The following IFT81 variants were observed in gnomAD, a reference collection of about 807,000 sequenced individuals.
IFT81 encodes the protein intraflagellar transport 81, also known as intraflagellar transport protein 81 homolog.
In IFT81, 72 loss-of-function variants were observed where a neutral mutation model predicts 102.6. The observed-to-expected ratio is 0.70, with a 90% CI of 0.58 to 0.85. The LOEUF (loss-of-function observed/expected upper bound fraction) is 0.85, where lower values mean the gene tolerates loss of function less well. IFT81 is among the 40% of genes least tolerant of loss of function. The pLI is 0.00. For missense variants in IFT81, 723 were observed against 787.3 expected (o/e 0.92, Z 0.98); for synonymous variants, 237 against 242.7 (o/e 0.98, Z 0.22).
chr12:110,143,683 G>T, intron 9 of IFT81, 138 bp downstream of exon 9: 1 of 596,856 alleles, frequency 1.7e-6, no homozygotes, highest in Non-Finnish European at 2.8e-6. Context: ...CTCTTATGAG[G>T]AATTGTCCTT....
chr12:110,140,755 C>T (rs1034946687), intron 8 of IFT81, among the ~76,000 whole-genome samples: 13 of 152,328 alleles, frequency 8.5e-5, no homozygotes, highest in Admixed American at 3.9e-4. Flanking sequence ...TGGAGTTTCA[C>T]TCCTGTTGCC....
At chr12:110,131,681 G>A (rs533643730) in intron 4 of IFT81, among the ~76,000 whole-genome samples, 1 of 152,152 alleles carries the variant, frequency 6.6e-6, no homozygotes, top group Non-Finnish European at 1.5e-5. Flanking sequence ...ACCTCCATGG[G>A]TTATGCACTG....
chr12:110,203,909 T>C lies in IFT81; in HGVS notation c.1603T>C (p.Cys535Arg). The C allele has an allele frequency of 6.2e-7, 1 of 1,613,866 alleles. No homozygotes were observed. Among genetic ancestry groups the C allele is most frequent in the Non-Finnish European group, 8.5e-7 (1 of 1,179,756 alleles). The change falls in exon 15 of 19, where the codon TGT (cysteine) becomes CGT (arginine). Residue 535 changes from cysteine to arginine, a missense_variant. Coordinates refer to ENST00000242591, the MANE Select transcript of IFT81 (RefSeq NM_014055.4). ...TGAAAAGAAATCCCAGTATGATAGC[T>C]GTGCAGCAGGCCTCGAAAGCAATCG... ...CDEKKSQYDS[C>R]AAGLESNRSK...
chr12:110,207,684 T>C (rs1868837246), intron 17 of IFT81, among the ~76,000 whole-genome samples: 1 of 147,966 alleles, frequency 6.8e-6, no homozygotes, highest in Non-Finnish European at 1.5e-5. Context: ...TGCCTCAGCC[T>C]CCTGAGTAGC....
chr12:110,154,456 C>T (rs1895725243), intron 10 of IFT81, among the ~76,000 whole-genome samples: 1 of 151,300 alleles, frequency 6.6e-6, no homozygotes, highest in African/African-American at 2.4e-5. Context: ...CATGGTGAAA[C>T]CCTGTCTCTG....
intron 10 of IFT81, among the ~76,000 whole-genome samples, chr12:110,159,167 T>TA (rs1896007806): frequency 2.0e-5 from 3 of 152,196 alleles, no homozygotes; most frequent in African/African-American, 7.2e-5. Context: ...AAGGATAGGC[T>TA]AAAGTGTAAA....
intron 5 of IFT81, among the ~76,000 whole-genome samples, chr12:110,133,830 T>C (rs558774899): frequency 2.3e-4 from 35 of 152,368 alleles, no homozygotes; most frequent in African/African-American, 7.9e-4. Flanking sequence ...ATGACTTTCA[T>C]TGTATTATGT....
chr12:110,164,980 G>A (rs4393377), intron 11 of IFT81, among the ~76,000 whole-genome samples: 1 of 151,976 alleles, frequency 6.6e-6, no homozygotes, highest in African/African-American at 2.4e-5. Context: ...TTACAATTCA[G>A]TGTTAGATGT....
intron 10 of IFT81, among the ~76,000 whole-genome samples, chr12:110,158,965 G>A (rs189099793): frequency 0.029 from 4,161 of 145,920 alleles, 83 homozygotes; most frequent in Middle Eastern, 0.086. Flanking sequence ...CTCGTGATCC[G>A]CCCGCCTCAG....
chr12:110,200,993 T>C (rs1485555759), intron 14 of IFT81, among the ~76,000 whole-genome samples: 1 of 151,994 alleles, frequency 6.6e-6, no homozygotes, highest in African/African-American at 2.4e-5. Flanking sequence ...AAACTTCTAA[T>C]TAAAAAAAAA....
intron 4 of IFT81, among the ~76,000 whole-genome samples, chr12:110,130,857 ATTTAGC>A (rs886782957): frequency 6.6e-6 from 1 of 152,092 alleles, no homozygotes; most frequent in African/African-American, 2.4e-5. Context: ...TGATTTACAC[ATTTAGC>A]CAGTCATTTC....
Position 110,143,552 on chromosome 12 carries a change from G to T in IFT81, c.945+7G>T. ...TCTTGAACTTGAATCTAAAGTAAGT[G>T]AGAATCATCTTTTTATAGCTCTCAA... On this transcript the variant is annotated splice_region_variant and intron_variant, in intron 9 of 18. Transcript: ENST00000242591. The T allele has an allele frequency of 6.5e-7, 1 of 1,535,128 alleles. No homozygotes were observed. The highest frequency in any genetic ancestry group is 1.3e-5 in the South Asian group (1 of 75,606).
intron 11 of IFT81, among the ~76,000 whole-genome samples, chr12:110,164,996 C>G (rs774742539): frequency 6.6e-6 from 1 of 151,840 alleles, no homozygotes; most frequent in African/African-American, 2.4e-5. Flanking sequence ...GATGTTCCCT[C>G]TATGCAAATG....
At chr12:110,192,349 T>A (rs895231390) in intron 13 of IFT81, among the ~76,000 whole-genome samples, 1 of 152,204 alleles carries the variant, frequency 6.6e-6, no homozygotes, top group Non-Finnish European at 1.5e-5. Flanking sequence ...GGCAATTTTT[T>A]AATATATTTA....
intron 14 of IFT81, among the ~76,000 whole-genome samples, chr12:110,193,098 G>A (rs571068939): frequency 6.6e-6 from 1 of 152,138 alleles, no homozygotes; most frequent in Admixed American, 6.5e-5. Context: ...AGAAGGTCAG[G>A]ATTGCAGTGA....
intron 14 of IFT81, among the ~76,000 whole-genome samples, chr12:110,194,572 C>G (rs749159196): frequency 2.0e-5 from 3 of 151,880 alleles, no homozygotes; most frequent in Non-Finnish European, 4.4e-5. Flanking sequence ...CCACACCCAC[C>G]CTGTTTATAT....
intron 14 of IFT81, among the ~76,000 whole-genome samples, chr12:110,196,812 A>T (rs562890517): frequency 2.0e-5 from 3 of 152,170 alleles, no homozygotes; most frequent in Non-Finnish European, 4.4e-5. Context: ...CTATTAAAGC[A>T]TATATGCCAG....
At chr12:110,179,755 TATATATATATATATATATACACAC>T (rs1897222051) in intron 11 of IFT81, among the ~76,000 whole-genome samples, 1 of 57,176 alleles carries the variant, frequency 1.7e-5, no homozygotes, top group South Asian at 5.5e-4. Flanking sequence ...TATATATATA[TATATATATATATATATATACACAC>T]ACACACACAC....
At chr12:110,217,541 T>C (rs1206381023) in intron 18 of IFT81, among the ~76,000 whole-genome samples, 1 of 151,784 alleles carries the variant, frequency 6.6e-6, no homozygotes, top group Non-Finnish European at 1.5e-5. Context: ...TTTTGTGTAG[T>C]TTTTTTTGTT....
Sources: gnomAD v4.1 joint callset for allele counts (sites outside exome capture counted in the v4.1 genomes callset) on GRCh38, gnomAD v4.1.1 for gene constraint, MANE v1.5 for transcripts, NCBI Gene and HGNC (gene_info 2026-07-23, HGNC 2026-07-21) for gene names.